PPID: variants seen among roughly 807,000 people sequenced by gnomAD.
PPID encodes peptidyl-prolyl cis-trans isomerase D.
A neutral mutation model predicts 48.1 loss-of-function variants in PPID; 47 were observed. The ratio of observed to expected loss-of-function variants is 0.98; its 90% confidence interval spans 0.77 to 1.25. PPID has a LOEUF of 1.25. Ranked by LOEUF, PPID falls within the 50% of genes most tolerant of loss-of-function variation. PPID has a pLI of 0.00. For missense variants in PPID, 429 were observed against 443.5 expected, an observed-to-expected ratio of 0.97 and a Z score of 0.29; for synonymous variants, 163 against 148.8, an observed-to-expected ratio of 1.10 and a Z score of -0.69.
chr4:158,711,526 C>T (rs1774791391), intron 7 of PPID, among the ~76,000 whole-genome samples: 1 of 152,146 alleles, frequency 6.6e-6, no homozygotes, highest in Admixed American at 6.5e-5. Context: ...CATACCCAAC[C>T]TAGGTTCTTA....
Position 158,709,311 on chromosome 4 carries a change from A to AAG in PPID, c.*423_*424dup, listed in dbSNP as rs1774732984. On this transcript the variant is annotated 3_prime_UTR_variant, in exon 10 of 10. Coordinates refer to ENST00000307720, the MANE Select transcript of PPID (RefSeq NM_005038.3). Reference sequence around the variant, plus strand: ...GGGAGGCCAAGGCGGGGTGGATCACAAGGTCAGGAGTTCAAGACCAACGTG... The same window carrying AAG: ...GGGAGGCCAAGGCGGGGTGGATCACAAGAGGTCAGGAGTTCAAGACCAACGTG... The AAG allele has an allele frequency of 6.5e-6, 1 of 154,468 alleles. No homozygotes were observed. Among genetic ancestry groups the AAG allele is most frequent in the Admixed American group, 6.5e-5 (1 of 15,386 alleles). 9.6% of individuals were successfully genotyped at this position (154,468 alleles called of 1,614,324 possible).
In PPID at chr4:158,709,299, G is replaced by A. The variant is rs777924306; in HGVS notation, c.*437C>T. On this transcript the variant is annotated 3_prime_UTR_variant, in exon 10 of 10. Coordinates refer to ENST00000307720, the MANE Select transcript of PPID (RefSeq NM_005038.3). Reference sequence around the variant, plus strand: ...TCCCAGCACTTTGGGAGGCCAAGGCGGGGTGGATCACAAGGTCAGGAGTTC... The same window carrying A: ...TCCCAGCACTTTGGGAGGCCAAGGCAGGGTGGATCACAAGGTCAGGAGTTC... 1.1e-3 allele frequency: 177 copies of A among 154,248 alleles called. No homozygotes were observed. The highest frequency in any genetic ancestry group is 2.1e-3 in the African/African-American group (87 of 41,544). 9.6% of individuals were successfully genotyped at this position (154,248 alleles called of 1,614,324 possible). A position where few individuals can be genotyped will look rare whatever the true frequency, so the allele number is the denominator to read the frequency against.
intron 1 of PPID, among the ~76,000 whole-genome samples, chr4:158,722,843 A>G (rs1334894664): frequency 6.6e-6 from 1 of 152,244 alleles, no homozygotes; most frequent in Non-Finnish European, 1.5e-5. Context: ...CAGCAGACGC[A>G]TATCCCAGGA....
At chr4:158,716,725 C>T (rs1373230421) in intron 4 of PPID, among the ~76,000 whole-genome samples, 1 of 152,116 alleles carries the variant, frequency 6.6e-6, no homozygotes, top group East Asian at 1.9e-4. Flanking sequence ...TTTGGGAGGC[C>T]GAGGTGGGCG....
rs549888093 is a variant in PPID at position 158,721,645 on chromosome 4, C to T, written c.86-162G>A. Among the ~76,000 whole-genome samples the T allele has an allele frequency of 2.6e-5, 4 of 152,294 alleles. No individual in the cohort carries two copies. In the South Asian group the frequency reaches 8.3e-4, roughly 32 times the overall value. Reference sequence around the variant, plus strand: ...ATTTCAAGAACACAACACATTGCTACTAACTATAGTCATTATGTTATACAA... The same window carrying T: ...ATTTCAAGAACACAACACATTGCTATTAACTATAGTCATTATGTTATACAA... On this transcript the variant is annotated intron_variant, in intron 1 of 9. Transcript: ENST00000307720.
chr4:158,713,626 G>A (rs994924664), intron 6 of PPID, among the ~76,000 whole-genome samples: 3 of 152,154 alleles, frequency 2.0e-5, no homozygotes, highest in Non-Finnish European at 4.4e-5. Flanking sequence ...ACTCTATTGT[G>A]TTGATTTTGC....
At position 158,720,702 on chromosome 4, in the gene PPID, TTTGTTTG is replaced by T. The variant is rs1186056291; in HGVS notation, c.226+634_226+640del. Among the ~76,000 whole-genome samples, 639 of 73,252 alleles carry T rather than the reference TTTGTTTG, an allele frequency of 8.7e-3. 3 individuals are homozygous for T. The highest frequency in any genetic ancestry group is 0.024 in the African/African-American group (528 of 22,108). 48.1% of individuals were successfully genotyped at this position (73,252 alleles called of 152,430 possible). A position where few individuals can be genotyped will look rare whatever the true frequency, so the allele number is the denominator to read the frequency against. Reference sequence around the variant, plus strand: ...CTCAGGCCCAAAAATTATGCATTTTTTTGTTTGTTTGTTTGTTTGTTTGTTTGTTTGA... The same window carrying T: ...CTCAGGCCCAAAAATTATGCATTTTTTTTGTTTGTTTGTTTGTTTGTTTGA... On this transcript the variant is annotated intron_variant, in intron 2 of 9. Coordinates refer to ENST00000307720, the MANE Select transcript of PPID (RefSeq NM_005038.3).
At position 158,714,997 on chromosome 4, in the gene PPID, G is replaced by C. The variant is rs1012013299; in HGVS notation, c.752+300C>G. On this transcript the variant is annotated intron_variant, in intron 6 of 9. Transcript: ENST00000307720. Reference sequence around the variant, plus strand: ...TAGGAAATACGTGCTGAAATACTTAGGGTAAAGTATCACAGTATCAACAAC... The same window carrying C: ...TAGGAAATACGTGCTGAAATACTTACGGTAAAGTATCACAGTATCAACAAC... Among the ~76,000 whole-genome samples the C allele has an allele frequency of 2.6e-5, 4 of 152,264 alleles. No homozygotes were observed. The highest frequency in any genetic ancestry group is 9.6e-5 in the African/African-American group (4 of 41,540).
chr4:158,710,166 A>G (rs994319549), intron 9 of PPID: 1 of 335,978 alleles, frequency 3.0e-6, no homozygotes, highest in African/African-American at 2.2e-5. Flanking sequence ...TTGAAAAACA[A>G]GCTTATTTTT....
chr4:158,719,824 T>C (rs1774928594), intron 2 of PPID, among the ~76,000 whole-genome samples: 2 of 152,222 alleles, frequency 1.3e-5, no homozygotes, highest in African/African-American at 2.4e-5. Flanking sequence ...GTTACCAAGA[T>C]TGCTTTCATG....
At chr4:158,715,841 T>C (rs1774862852) in intron 4 of PPID, among the ~76,000 whole-genome samples, 157 bp from the exon 5 acceptor site, 1 of 152,206 alleles carries the variant, frequency 6.6e-6, no homozygotes, top group Non-Finnish European at 1.5e-5. Context: ...TTCCAACTAA[T>C]ACGACAATGT....
chr4:158,712,699 G>GT (rs1774809218), intron 7 of PPID, among the ~76,000 whole-genome samples: 2 of 152,118 alleles, frequency 1.3e-5, no homozygotes, highest in Non-Finnish European at 2.9e-5. Flanking sequence ...AGAGGTTGCA[G>GT]TAAGCCGAGA....
chr4:158,721,230 C>T (rs979310002), intron 2 of PPID, 113 bp downstream of exon 2: 17 of 1,262,506 alleles, frequency 1.3e-5, no homozygotes, highest in African/African-American at 3.0e-5. Flanking sequence ...CAGACATGGA[C>T]GCTAATAGTA....
chr4:158,714,592 CTT>C (rs113579328), intron 6 of PPID, among the ~76,000 whole-genome samples: 34 of 141,850 alleles, frequency 2.4e-4, no homozygotes, highest in Admixed American at 2.1e-4. Flanking sequence ...ATATGGATTA[CTT>C]TTTTTTTTTT....
At chr4:158,719,762 T>G (rs939457227) in intron 2 of PPID, among the ~76,000 whole-genome samples, 1 of 152,234 alleles carries the variant, frequency 6.6e-6, no homozygotes, top group Admixed American at 6.5e-5. Flanking sequence ...CCCAGTAGAT[T>G]TGTTCTACCC....
intron 6 of PPID, 60 bp downstream of exon 6, chr4:158,715,237 A>G (rs1774851410): frequency 3.9e-6 from 5 of 1,289,772 alleles, no homozygotes; most frequent in African/African-American, 1.5e-5. Flanking sequence ...GCAATTCTTA[A>G]TTTTAGTTTA....
In PPID at chr4:158,717,122, G is replaced by A; in HGVS notation, c.412C>T (p.Pro138Ser). Residue 138 changes from proline (P) to serine (S), a missense_variant, in exon 4 of 10, where the codon CCA becomes TCA. Physicochemically the swap from Pro to Ser is moderately conservative, Grantham distance 74. Transcript: ENST00000307720. ...TGTTTCCCATCCAAATGAGGAGTTG[G>A]AACTGTTGTGATAAAAAACTGAGAA... ...NGSQFFITTV[P>S]TPHLDGKHVV... 1 of 1,614,024 alleles carries A rather than the reference G, an allele frequency of 6.2e-7. No homozygotes were observed. The highest frequency in any genetic ancestry group is 8.5e-7 in the Non-Finnish European group (1 of 1,179,956).
At position 158,709,778 on chromosome 4, in the gene PPID, C is replaced by T. The variant is rs1198201857; in HGVS notation, c.1071G>A (p.Gln357=). Reference sequence around the variant, plus strand: ...CATATACTGCCTTCTCTTTATCTTTCTGTGCCTTTATCTTTTGTTTGACTT... The same window carrying T: ...CATATACTGCCTTCTCTTTATCTTTTTGTGCCTTTATCTTTTGTTTGACTT... ...LLKVKQKIKA[Q]KDKEKAVYAK... Residue 357 remains glutamine (Q), a synonymous_variant, in exon 10 of 10, where the codon CAG becomes CAA. Transcript: ENST00000307720. The T allele has an allele frequency of 6.2e-7, 1 of 1,612,046 alleles. No individual in the cohort carries two copies. Among genetic ancestry groups the T allele is most frequent in the South Asian group, 1.1e-5 (1 of 91,026 alleles).
chr4:158,717,197 C>A lies in PPID; in HGVS notation c.337G>T (p.Asp113Tyr). The A allele has an allele frequency of 6.2e-7, 1 of 1,601,536 alleles. No individual in the cohort carries two copies. Among genetic ancestry groups the A allele is most frequent in the Non-Finnish European group, 8.5e-7 (1 of 1,176,172 alleles). ...GCCATGCTCAGTAAACCCTCCCGAT[C>A]ATGCTGTAGAAATAAAAATTAAAAG... ...FEDENFHYKHDREGLLSMANA... is the reference protein window; with the variant it reads ...FEDENFHYKHYREGLLSMANA... Residue 113 changes from aspartate to tyrosine, a missense_variant, in exon 4 of 10, where the codon GAT becomes TAT. By Grantham distance (160) the Asp-to-Tyr change is radical (BLOSUM62 -3). Transcript: ENST00000307720.
Sources: allele counts gnomAD v4.1 joint callset (sites outside exome capture counted in the v4.1 genomes callset), GRCh38; gene constraint gnomAD v4.1.1; transcripts MANE v1.5; gene names NCBI Gene and HGNC (gene_info 2026-07-23, HGNC 2026-07-21).